Variants in ROBO2 observed in about 807,000 individuals in gnomAD.
The protein encoded by ROBO2 is roundabout guidance receptor 2, also known as roundabout homolog 2.
Under a neutral mutation model 160.8 loss-of-function variants are expected in ROBO2, and 53 were observed. The ratio of observed to expected loss-of-function variants is 0.33; its 90% CI spans 0.26 to 0.41. ROBO2 has a LOEUF of 0.41. Among genes scored for constraint, ROBO2 ranks in the 10% least tolerant of loss-of-function variants. The probability of loss-of-function intolerance (pLI) is 1.00; values close to 1 mark genes in which losing one functional copy is unlikely to be tolerated. For missense variants in ROBO2, 1,577 were observed against 1,722.4 expected (o/e 0.92, Z 1.49); for synonymous variants, 664 against 611.7 (o/e 1.09, Z -1.26).
chr3:76,172,008 C>T (rs1369394393), intron 2 of ROBO2, among the ~76,000 whole-genome samples: 2 of 152,026 alleles, frequency 1.3e-5, no homozygotes, highest in Non-Finnish European at 2.9e-5. Context: ...ATATATGACT[C>T]CATCCAAATT....
intron 2 of ROBO2, among the ~76,000 whole-genome samples, chr3:77,433,354 T>C (rs1420875601): frequency 6.6e-6 from 1 of 151,346 alleles, no homozygotes; most frequent in Non-Finnish European, 1.5e-5. Context: ...AACTGTTCTG[T>C]ATTGTGTTCT....
At chr3:77,433,628 G>A (rs989354720) in intron 2 of ROBO2, among the ~76,000 whole-genome samples, 1 of 151,016 alleles carries the variant, frequency 6.6e-6, no homozygotes, top group Non-Finnish European at 1.5e-5. Flanking sequence ...GAACATCACA[G>A]CTTCAAGTGC....
intron 2 of ROBO2, among the ~76,000 whole-genome samples, chr3:77,123,482 CATTT>C: frequency 6.6e-6 from 1 of 152,092 alleles, no homozygotes; most frequent in South Asian, 2.1e-4. Flanking sequence ...GTATTTTGTT[CATTT>C]ATTTATTTAA....
chr3:77,636,213 A>G (rs1452343333), intron 24 of ROBO2, among the ~76,000 whole-genome samples: 2 of 152,294 alleles, frequency 1.3e-5, no homozygotes, highest in East Asian at 3.9e-4. Flanking sequence ...ATTAAAGTCT[A>G]GATAGTAAAT....
chr3:76,514,689 A>C (rs960226453), intron 2 of ROBO2, among the ~76,000 whole-genome samples: 6 of 152,144 alleles, frequency 3.9e-5, no homozygotes, highest in South Asian at 2.1e-4. Flanking sequence ...CCACTTCTAA[A>C]TGTCAGTTTT....
At chr3:77,425,855 G>T (rs945973498) in intron 2 of ROBO2, among the ~76,000 whole-genome samples, 1 of 151,874 alleles carries the variant, frequency 6.6e-6, no homozygotes, top group South Asian at 2.1e-4. Flanking sequence ...TAGAGACAGG[G>T]TTTCACCATG....
chr3:77,442,184 C>T (rs1247695894), intron 2 of ROBO2, among the ~76,000 whole-genome samples: 1 of 151,852 alleles, frequency 6.6e-6, no homozygotes, highest in Admixed American at 6.6e-5. Flanking sequence ...TCATGGCGGG[C>T]GCCTGTAGTC....
In ROBO2 at chr3:77,084,038, C is replaced by T. The variant is rs138409606; in HGVS notation, c.62-13976C>T. On this transcript the variant is annotated intron_variant, in intron 1 of 25. Transcript: ENST00000461745. ...GGGAAGAGTAGACATCTAAGGCATA[C>T]ATACCTTGGGAGCTGTTAACTATTG... 2.8e-4 allele frequency among the ~76,000 whole-genome samples: 42 copies of T among 152,214 alleles called. No individual in the cohort carries two copies. The East Asian group carries it at 7.9e-3, about 29-fold the overall frequency.
chr3:76,809,552 T>G (rs939934816), intron 2 of ROBO2, among the ~76,000 whole-genome samples: 3 of 152,142 alleles, frequency 2.0e-5, no homozygotes, highest in Admixed American at 6.6e-5. Flanking sequence ...TCCACCTGGA[T>G]GCAAGAGGAA....
chr3:76,659,566 C>G (rs1371111044), intron 2 of ROBO2, among the ~76,000 whole-genome samples: 5 of 152,018 alleles, frequency 3.3e-5, no homozygotes, highest in African/African-American at 1.2e-4. Context: ...TCTCTTTCTT[C>G]CATTTCCTGT....
chr3:76,834,828 G>C (rs908098737), intron 2 of ROBO2, among the ~76,000 whole-genome samples: 21 of 152,152 alleles, frequency 1.4e-4, no homozygotes, highest in African/African-American at 5.1e-4. Flanking sequence ...CATTTCATTG[G>C]CCAAAGCATT....
intron 2 of ROBO2, among the ~76,000 whole-genome samples, chr3:76,307,484 C>T (rs150533927): frequency 4.6e-5 from 7 of 151,318 alleles, no homozygotes; most frequent in East Asian, 2.0e-4. Context: ...CCTTTGAGCA[C>T]GAGTAGGTGG....
chr3:75,996,704 T>C, intron 2 of ROBO2, among the ~76,000 whole-genome samples: 1 of 152,280 alleles, frequency 6.6e-6, no homozygotes, highest in East Asian at 1.9e-4. Flanking sequence ...CTTTTCCTCC[T>C]AAAGTAATGA....
At chr3:77,439,993 AC>A (rs1359407430) in intron 2 of ROBO2, among the ~76,000 whole-genome samples, 2 of 152,312 alleles carry the variant, frequency 1.3e-5, no homozygotes, top group East Asian at 3.9e-4. Context: ...TAATATGCAA[AC>A]AAAAAATAGT....
intron 15 of ROBO2, among the ~76,000 whole-genome samples, chr3:77,579,642 A>T (rs780360676): frequency 1.3e-5 from 2 of 152,170 alleles, no homozygotes; most frequent in Non-Finnish European, 2.9e-5. Context: ...TGTTAAAGAA[A>T]TCACTGTGCT....
intron 2 of ROBO2, among the ~76,000 whole-genome samples, chr3:77,451,818 C>T (rs539749068): frequency 7.5e-4 from 114 of 151,628 alleles, no homozygotes; most frequent in South Asian, 2.7e-3. Context: ...TACATGTGCA[C>T]AATGTGCTGG....
At chr3:77,517,914 T>TG (rs1263917949) in intron 5 of ROBO2, among the ~76,000 whole-genome samples, 3 of 151,448 alleles carry the variant, frequency 2.0e-5, no homozygotes, top group Admixed American at 6.6e-5. Context: ...GTGCCATCTG[T>TG]GGCTTCAGGC....
chr3:76,182,132 A>G (rs1033639439), intron 2 of ROBO2, among the ~76,000 whole-genome samples: 3 of 152,180 alleles, frequency 2.0e-5, no homozygotes, highest in African/African-American at 7.2e-5. Flanking sequence ...TAGACGCTGA[A>G]TTAATATATT....
At chr3:77,438,428 G>T (rs1392326340) in intron 2 of ROBO2, among the ~76,000 whole-genome samples, 1 of 151,662 alleles carries the variant, frequency 6.6e-6, no homozygotes, top group Admixed American at 6.6e-5. Flanking sequence ...TATATGGAAA[G>T]AGAGTGAGCA....
Sources: allele counts gnomAD v4.1 joint callset (sites outside exome capture counted in the v4.1 genomes callset), GRCh38; gene constraint gnomAD v4.1.1; transcripts MANE v1.5; gene names NCBI Gene and HGNC (gene_info 2026-07-23, HGNC 2026-07-21).